The following DYNC2H1 variants were observed in gnomAD, a reference collection of about 807,000 sequenced individuals.
DYNC2H1 encodes the protein cytoplasmic dynein 2 heavy chain 1.
In DYNC2H1, 410 loss-of-function variants were observed where a neutral mutation model predicts 570.0. The observed-to-expected ratio is 0.72, with a 90% confidence interval of 0.66 to 0.78. The LOEUF (loss-of-function observed/expected upper bound fraction) is 0.78, where lower values mean the gene tolerates loss of function less well. Ranked by LOEUF, DYNC2H1 falls within the 30% of genes least tolerant of loss-of-function variation. The probability of loss-of-function intolerance (pLI) is 0.00; values close to 1 mark genes in which losing one functional copy is unlikely to be tolerated. For missense variants in DYNC2H1, 4,865 were observed against 5,046.4 expected (o/e 0.96, Z 1.09); for synonymous variants, 1,688 against 1,677.6 (o/e 1.01, Z -0.15).
In DYNC2H1 at chr11:103,174,126, G is replaced by C; in HGVS notation, c.5630G>C (p.Gly1877Ala). The C allele has an allele frequency of 6.3e-7, 1 of 1,588,672 alleles. No individual in the cohort carries two copies. The highest frequency in any genetic ancestry group is 8.6e-7 in the Non-Finnish European group (1 of 1,166,124). Reference sequence around the variant, plus strand: ...TTGAAGACAGTTCTGAGAGGAAGTGGAAATCTCCTTAGACAGCTAAACAAA... The same window carrying C: ...TTGAAGACAGTTCTGAGAGGAAGTGCAAATCTCCTTAGACAGCTAAACAAA... Reference protein sequence around the residue: ...RALKTVLRGSGNLLRQLNKSG... With the variant: ...RALKTVLRGSANLLRQLNKSG... Residue 1877 changes from glycine to alanine, a missense_variant, in exon 36 of 89, where the codon GGA (glycine) becomes GCA (alanine). Physicochemically the swap from Gly to Ala is moderately conservative, Grantham distance 60 (BLOSUM62 0). Coordinates refer to ENST00000375735, the MANE Select transcript of DYNC2H1 (RefSeq NM_001377.3).
chr11:103,399,446 G>A (rs543256213), intron 83 of DYNC2H1, among the ~76,000 whole-genome samples: 47 of 151,568 alleles, frequency 3.1e-4, no homozygotes, highest in Non-Finnish European at 4.1e-4. Context: ...GGGAGCCACC[G>A]CGCCTGGCCC....
In DYNC2H1 at chr11:103,455,135, TTGACTTATAAG is replaced by T. The variant is rs1417470047; in HGVS notation, c.12457-48_12457-38del. On this transcript the variant is annotated intron_variant, in intron 85 of 88. Coordinates refer to ENST00000375735, the MANE Select transcript of DYNC2H1 (RefSeq NM_001377.3). ...TATTGAAAATGACTTAAGTCTTTAA[TTGACTTATAAG>T]TGTGTGTGTATTTATATGTTCATAT... The T allele has an allele frequency of 3.0e-6, 4 of 1,346,242 alleles. No individual in the cohort carries two copies. In the East Asian group the frequency reaches 9.3e-5, roughly 31 times the overall value. The allele number at this position is 1,346,242 out of a possible 1,614,324, so 83.4% of individuals were successfully genotyped here.
At chr11:103,192,675 A>G (rs565221052) in intron 47 of DYNC2H1, among the ~76,000 whole-genome samples, 1 of 152,310 alleles carries the variant, frequency 6.6e-6, no homozygotes, top group African/African-American at 2.4e-5. Flanking sequence ...TAGAACTTAC[A>G]TATGCTTGTT....
chr11:103,156,862 A>G (rs1387232411), intron 26 of DYNC2H1, 92 bp downstream of exon 26: 25 of 1,451,882 alleles, frequency 1.7e-5, no homozygotes, highest in Non-Finnish European at 2.3e-5. Context: ...AATTACTTTT[A>G]CATGATTGGT....
chr11:103,434,746 C>T (rs567455814), intron 84 of DYNC2H1, among the ~76,000 whole-genome samples: 64 of 152,176 alleles, frequency 4.2e-4, no homozygotes, highest in African/African-American at 1.5e-3. Context: ...AGCTTGTCTC[C>T]TTCACACAGC....
intron 75 of DYNC2H1, among the ~76,000 whole-genome samples, chr11:103,288,604 T>C (rs920400805): frequency 7.8e-5 from 11 of 140,670 alleles, no homozygotes; most frequent in Non-Finnish European, 1.7e-4. Flanking sequence ...CCCAGCACTT[T>C]GGGAGGCCAA....
intron 84 of DYNC2H1, 131 bp downstream of exon 84, chr11:103,400,003 A>G (rs560566067): frequency 1.0e-5 from 7 of 675,710 alleles, no homozygotes; most frequent in Admixed American, 9.8e-5. Flanking sequence ...GCCATATAAA[A>G]ATTAATTGAC....
At chr11:103,388,712 G>A (rs200243001) in intron 83 of DYNC2H1, among the ~76,000 whole-genome samples, 50,415 of 97,416 alleles carry the variant, frequency 0.52, 10,145 homozygotes, top group Non-Finnish European at 0.57. Flanking sequence ...TAGCATGAAG[G>A]TTGTTGAATT....
Position 103,192,236 on chromosome 11 carries a change from G to T in DYNC2H1, c.7680G>T (p.Trp2560Cys). ...IILTSVFQGD[W>C]GSDILDNMSD... Reference sequence around the variant, plus strand: ...TAACATCAGTGTTTCAAGGAGATTGGGGCTCAGACATATTAGACAATATGT... The same window carrying T: ...TAACATCAGTGTTTCAAGGAGATTGTGGCTCAGACATATTAGACAATATGT... Residue 2560 changes from tryptophan to cysteine, a missense_variant, in exon 47 of 89, where the codon TGG becomes TGT. Physicochemically the swap from Trp to Cys is radical, Grantham distance 215. Around this residue, in one of 5 missense-constraint regions of DYNC2H1, gnomAD observed 2,401 missense variants for 2,454.6 expected, o/e 0.98. Coordinates refer to ENST00000375735, the MANE Select transcript of DYNC2H1 (RefSeq NM_001377.3). The T allele has an allele frequency of 1.3e-6, 2 of 1,578,126 alleles. No homozygotes were observed. The highest frequency in any genetic ancestry group is 1.2e-5 in the South Asian group (1 of 83,772).
rs766308284 is a variant in DYNC2H1, at chr11:103,257,222, C to A, written c.10462-386C>A. 7.0e-4 allele frequency among the ~76,000 whole-genome samples: 106 copies of A among 152,250 alleles called. 1 individual carries two copies. The highest frequency in any genetic ancestry group is 2.4e-4 in the Non-Finnish European group (16 of 68,002). On this transcript the variant is annotated intron_variant, in intron 68 of 88. Transcript: ENST00000375735. Reference sequence around the variant, plus strand: ...TGTGAGAACACAGCAAGAAGCAGTTCTTTCTGTGAACCAGGAAACAAGCTC... The same window carrying A: ...TGTGAGAACACAGCAAGAAGCAGTTATTTCTGTGAACCAGGAAACAAGCTC...
intron 40 of DYNC2H1, among the ~76,000 whole-genome samples, chr11:103,183,603 T>G (rs973207112): frequency 6.6e-6 from 1 of 151,956 alleles, no homozygotes; most frequent in African/African-American, 2.4e-5. Context: ...GAAATTGTAT[T>G]TATAACTAGA....
intron 6 of DYNC2H1, among the ~76,000 whole-genome samples, chr11:103,118,556 G>T (rs1858539422): frequency 6.6e-6 from 1 of 151,352 alleles, no homozygotes; most frequent in Non-Finnish European, 1.5e-5. Flanking sequence ...CAGAGATATT[G>T]TATACTTCCA....
chr11:103,152,567 T>C lies in DYNC2H1; in HGVS notation c.3096+282T>C, dbSNP rs140498463. On this transcript the variant is annotated intron_variant, in intron 21 of 88. Transcript: ENST00000375735. ...TGCTTACCTACTATGTATGGCTTATTGCTGAAACTCATGTTTTCTTTAATT... is the reference window on the plus strand; with the variant it reads ...TGCTTACCTACTATGTATGGCTTATCGCTGAAACTCATGTTTTCTTTAATT... Among the ~76,000 whole-genome samples the C allele has an allele frequency of 0.025, 3,785 of 152,262 alleles. 111 individuals carry two copies. The highest frequency in any genetic ancestry group is 0.037 in the Middle Eastern group (11 of 294).
At chr11:103,367,402 C>T (rs920910292) in intron 83 of DYNC2H1, among the ~76,000 whole-genome samples, 27 of 151,956 alleles carry the variant, frequency 1.8e-4, no homozygotes, top group Non-Finnish European at 4.0e-4. Flanking sequence ...TCACTTTTGT[C>T]TTATTTATAA....
chr11:103,298,788 A>G (rs1473410478), intron 75 of DYNC2H1, among the ~76,000 whole-genome samples: 2 of 152,152 alleles, frequency 1.3e-5, no homozygotes, highest in Non-Finnish European at 2.9e-5. Context: ...ATATGGAAAG[A>G]TCTTTATTAA....
chr11:103,122,716 GA>G, intron 10 of DYNC2H1, 108 bp from the exon 11 acceptor site: 1 of 940,412 alleles, frequency 1.1e-6, no homozygotes, highest in Non-Finnish European at 1.6e-6. Flanking sequence ...GTTTATAGAT[GA>G]AAGGTAAAAT....
At chr11:103,311,331 AT>A (rs1348562643) in intron 78 of DYNC2H1, among the ~76,000 whole-genome samples, 1 of 152,140 alleles carries the variant, frequency 6.6e-6, no homozygotes, top group Admixed American at 6.6e-5. Context: ...ATTTTTAAAG[AT>A]TTTATACTAG....
chr11:103,149,971 TC>T lies in DYNC2H1; in HGVS notation c.2946+1355del, dbSNP rs1348299312. ...AGCCATTCTGAGATTTGGGGACAGATCATTCCAAAAACAATGAATAGCATGT... is the reference window on the plus strand; with the variant it reads ...AGCCATTCTGAGATTTGGGGACAGATATTCCAAAAACAATGAATAGCATGT... On this transcript the variant is annotated intron_variant, in intron 20 of 88. Transcript: ENST00000375735. Among the ~76,000 whole-genome samples, 3 of 152,268 alleles carry T rather than the reference TC, an allele frequency of 2.0e-5. No homozygotes were observed. The East Asian group carries it at 5.8e-4, about 29-fold the overall frequency.
chr11:103,245,229 G>C lies in DYNC2H1; in HGVS notation c.9919-22G>C. On this transcript the variant is annotated intron_variant, in intron 64 of 88. Coordinates refer to ENST00000375735, the MANE Select transcript of DYNC2H1 (RefSeq NM_001377.3). The surrounding 1 kb of genome is among the most constrained non-coding windows in gnomAD (Gnocchi z 4.5). ...ATTAAAGTAATTAAATAATTAATAC[G>C]TATTCTTTTTTATTCAATTAGGATA... 6.8e-7 allele frequency: 1 copy of C among 1,467,018 alleles called. No individual in the cohort carries two copies. Among genetic ancestry groups the C allele is most frequent in the Middle Eastern group, 2.1e-4 (1 of 4,812 alleles). The allele number at this position is 1,467,018 out of a possible 1,614,324, so 90.9% of individuals were successfully genotyped here. A position where few individuals can be genotyped will look rare whatever the true frequency, so the allele number is the denominator to read the frequency against.
Sources: allele counts gnomAD v4.1 joint callset (sites outside exome capture counted in the v4.1 genomes callset), GRCh38; gene constraint gnomAD v4.1.1; regional missense constraint gnomAD v4.1.1; non-coding constraint Gnocchi (gnomAD v3.1); transcripts MANE v1.5; gene names NCBI Gene and HGNC (gene_info 2026-07-23, HGNC 2026-07-21).